Variants in NLRP14 observed in about 807,000 individuals in gnomAD.
NLRP14 encodes the protein NLR family pyrin domain containing 14.
In NLRP14, 105 loss-of-function variants were observed where a neutral mutation model predicts 94.7. The observed-to-expected ratio is 1.11, with a 90% CI of 0.95 to 1.30. The LOEUF is 1.30. NLRP14 is among the 50% of genes most tolerant of loss of function. The pLI is 0.00. For missense variants in NLRP14, 1,362 were observed against 1,254.1 expected (o/e 1.09, Z -1.30); for synonymous variants, 508 against 459.9 (o/e 1.10, Z -1.34).
intron 1 of NLRP14, among the ~76,000 whole-genome samples, chr11:7,038,195 T>A (rs1418279100): frequency 6.6e-6 from 1 of 152,108 alleles, no homozygotes; most frequent in African/African-American, 2.4e-5. Context: ...CTGTGCCAGG[T>A]GATATATGAA....
At chr11:7,089,495 C>T in the NLRP14 span, 637 of 1,237,266 alleles carry the variant, frequency 5.1e-4, 13 homozygotes, top group East Asian at 0.018. Flanking sequence ...CATCCCGGGG[C>T]GGGCCCGATG....
intron 1 of NLRP14, among the ~76,000 whole-genome samples, chr11:7,037,559 A>G (rs902344204): frequency 1.3e-5 from 2 of 152,320 alleles, no homozygotes; most frequent in Admixed American, 1.3e-4. Flanking sequence ...ACAGATTAAG[A>G]AAACTTGATG....
At chr11:7,089,669 C>T in the NLRP14 span, 20 of 1,460,618 alleles carry the variant, frequency 1.4e-5, no homozygotes, top group East Asian at 1.5e-4. Flanking sequence ...GGGCCCTGGC[C>T]GTGCGGGGGC....
intron 6 of NLRP14, among the ~76,000 whole-genome samples, chr11:7,051,834 G>A (rs1474238434): frequency 6.6e-6 from 1 of 152,172 alleles, no homozygotes; most frequent in Non-Finnish European, 1.5e-5. Context: ...TGTTGGCCAG[G>A]ATGGTCTCGA....
intron 1 of NLRP14, among the ~76,000 whole-genome samples, chr11:7,034,329 A>G (rs182768642): frequency 6.6e-6 from 1 of 152,234 alleles, no homozygotes; most frequent in Non-Finnish European, 1.5e-5. Flanking sequence ...GTCTTTTTGC[A>G]TACCCCATTA....
the NLRP14 span, among the ~76,000 whole-genome samples, chr11:7,078,462 A>AAAAAAAAAAAAAAAAAAAAAAG: frequency 4.5e-5 from 4 of 88,528 alleles, no homozygotes; most frequent in Non-Finnish European, 8.0e-5. Flanking sequence ...AAAAAAAAAA[A>AAAAAAAAAAAAAAAAAAAAAAG]CAAAAAAATT....
chr11:7,090,474 C>T, the NLRP14 span: 3 of 867,998 alleles, frequency 3.5e-6, no homozygotes, highest in Non-Finnish European at 3.6e-6. Context: ...ACTTAAAATT[C>T]GTTTAGTTTA....
intron 3 of NLRP14, among the ~76,000 whole-genome samples, chr11:7,040,116 T>C (rs976800926): frequency 6.6e-5 from 10 of 152,222 alleles, no homozygotes; most frequent in African/African-American, 2.4e-4. Context: ...CTACTTTCTT[T>C]AAAGATGGTG....
intron 1 of NLRP14, among the ~76,000 whole-genome samples, chr11:7,036,135 T>C (rs973809861): frequency 2.0e-5 from 3 of 152,204 alleles, no homozygotes; most frequent in Non-Finnish European, 4.4e-5. Context: ...TTTGAACAAA[T>C]ATGCTTTGTT....
At position 7,062,477 on chromosome 11, in the gene NLRP14, T is replaced by C. The variant is rs149971177; in HGVS notation, c.2949T>C (p.Tyr983=). Residue 983 remains tyrosine (Y), a synonymous_variant, in exon 10 of 12, where the codon TAT becomes TAC. Transcript: ENST00000299481. ...AAATTCTGTGTGATGCTTTGAGATATCCAAACTGTAACATTCAGAGGCTCG... is the reference window on the plus strand; with the variant it reads ...AAATTCTGTGTGATGCTTTGAGATACCCAAACTGTAACATTCAGAGGCTCG... The part of the protein sequence containing the change: ...GVKILCDALR[Y]PNCNIQRLGL... 6 of 1,613,124 alleles carry C rather than the reference T, an allele frequency of 3.7e-6. No homozygotes were observed. The highest frequency in any genetic ancestry group is 5.1e-6 in the Non-Finnish European group (6 of 1,179,304).
At chr11:7,066,173 G>A (rs563931682) in intron 10 of NLRP14, among the ~76,000 whole-genome samples, 1 of 152,136 alleles carries the variant, frequency 6.6e-6, no homozygotes, top group African/African-American at 2.4e-5. Flanking sequence ...AAACATACAT[G>A]TGCATGTGTC....
At chr11:7,062,308 A>T in intron 9 of NLRP14, 25 bp from the exon 10 acceptor site, 1 of 1,599,500 alleles carries the variant, frequency 6.3e-7, no homozygotes, top group Admixed American at 1.7e-5. Flanking sequence ...GGAAGGATTC[A>T]CTTTTCCTAT....
chr11:7,024,036 G>A (rs1032209024), intron 1 of NLRP14, among the ~76,000 whole-genome samples: 5 of 152,028 alleles, frequency 3.3e-5, no homozygotes, highest in Non-Finnish European at 5.9e-5. Context: ...AGAAACATAT[G>A]AAACACAATG....
intron 6 of NLRP14, 29 bp from the exon 7 acceptor site, chr11:7,057,648 C>A: frequency 6.2e-7 from 1 of 1,604,066 alleles, no homozygotes; most frequent in South Asian, 1.1e-5. Flanking sequence ...AAGGAGTGGT[C>A]ATTCCTGCTT....
At chr11:7,069,046 A>G (rs2119717451) in intron 10 of NLRP14, among the ~76,000 whole-genome samples, 1 of 152,358 alleles carries the variant, frequency 6.6e-6, no homozygotes, top group Admixed American at 6.5e-5. Flanking sequence ...TTACTGTGAA[A>G]AATGTTAAAA....
the NLRP14 span, chr11:7,089,733 C>G: frequency 1.3e-6 from 2 of 1,543,468 alleles, no homozygotes; most frequent in Non-Finnish European, 1.7e-6. Flanking sequence ...GCGCCGCGAC[C>G]CCTACCTGGG....
chr11:7,029,843 T>C (rs564550740), intron 1 of NLRP14, among the ~76,000 whole-genome samples: 6 of 152,340 alleles, frequency 3.9e-5, no homozygotes, highest in African/African-American at 7.2e-5. Flanking sequence ...TGTATGAATC[T>C]TTATAATCTA....
intron 10 of NLRP14, among the ~76,000 whole-genome samples, chr11:7,064,138 C>T (rs74875388): frequency 0.022 from 3,400 of 152,180 alleles, 132 homozygotes; most frequent in African/African-American, 0.074. Context: ...CATTCTCATA[C>T]GTGGTATAGT....
chr11:7,089,673 C>CG, the NLRP14 span: 1 of 1,433,736 alleles, frequency 7.0e-7, no homozygotes, highest in Non-Finnish European at 9.2e-7. Context: ...CCTGGCCGTG[C>CG]GGGGGCGAGA....
Sources: allele counts gnomAD v4.1 joint callset (sites outside exome capture counted in the v4.1 genomes callset), GRCh38; gene constraint gnomAD v4.1.1; transcripts MANE v1.5; gene names NCBI Gene and HGNC (gene_info 2026-07-23, HGNC 2026-07-21).